C8orf34: variants seen among roughly 807,000 people sequenced by gnomAD.
C8orf34 encodes the protein uncharacterized protein C8orf34.
C8orf34 carries 65 observed loss-of-function variants against 68.3 expected under a neutral mutation model. The ratio of observed to expected loss-of-function variants is 0.95; its 90% CI spans 0.78 to 1.17. The LOEUF is 1.17. Among genes scored for constraint, C8orf34 ranks in the 50% most tolerant of loss-of-function variants. The pLI is 0.00. For missense variants in C8orf34, 664 were observed against 655.4 expected, an observed-to-expected ratio of 1.01 and a Z score of -0.14; for synonymous variants, 244 against 241.2, an observed-to-expected ratio of 1.01 and a Z score of -0.11.
At chr8:68,376,215 A>T (rs1563388590) in intron 1 of C8orf34, among the ~76,000 whole-genome samples, 1 of 151,602 alleles carries the variant, frequency 6.6e-6, no homozygotes, top group Non-Finnish European at 1.5e-5. Context: ...ATAAAATAAA[A>T]GTTGATAAAT....
chr8:68,503,387 C>T (rs1403842474), intron 5 of C8orf34, among the ~76,000 whole-genome samples: 9 of 151,946 alleles, frequency 5.9e-5, no homozygotes, highest in Non-Finnish European at 1.3e-4. Context: ...AGCGATGTGC[C>T]AGGTGGGGTG....
intron 10 of C8orf34, among the ~76,000 whole-genome samples, chr8:68,754,988 C>A (rs1392139251): frequency 6.6e-6 from 1 of 152,034 alleles, no homozygotes; most frequent in Non-Finnish European, 1.5e-5. Context: ...AATATTTAGC[C>A]TTGTAGGAAA....
At chr8:68,439,000 T>A (rs1254109413) in intron 1 of C8orf34, 1 of 152,214 alleles carries the variant, frequency 6.6e-6, no homozygotes, top group Non-Finnish European at 1.5e-5. Context: ...GTTTTTGGTT[T>A]CTGTAAGTCT....
rs149023025 is a variant in C8orf34, at chr8:68,647,287, A to C, written c.1241+6776A>C. 3.0e-4 allele frequency among the ~76,000 whole-genome samples: 46 copies of C among 152,304 alleles called. 1 individual carries two copies. In the East Asian group the frequency reaches 8.9e-3, roughly 29 times the overall value. Reference sequence around the variant, plus strand: ...AGAATGGCCGTCATCAAAAAGATGAAAGAGGAAAGATAACAAGTACCCGTG... The same window carrying C: ...AGAATGGCCGTCATCAAAAAGATGACAGAGGAAAGATAACAAGTACCCGTG... On this transcript the variant is annotated intron_variant, in intron 8 of 13. Transcript: ENST00000518698.
Position 68,493,210 on chromosome 8 carries a change from C to T in C8orf34, c.765+5159C>T, listed in dbSNP as rs532844884. 3.3e-5 allele frequency among the ~76,000 whole-genome samples: 5 copies of T among 152,256 alleles called. No homozygotes were observed. The South Asian group carries it at 1.0e-3, about 32-fold the overall frequency. On this transcript the variant is annotated intron_variant, in intron 5 of 13. Coordinates refer to ENST00000518698, the MANE Select transcript of C8orf34 (RefSeq NM_052958.4). ...TTACACTTCCGTGCATCAAAGGACA[C>T]AACACTCACAAATTACACATCTGAT...
intron 1 of C8orf34, among the ~76,000 whole-genome samples, chr8:68,424,246 T>C (rs945166326): frequency 1.6e-4 from 24 of 152,078 alleles, no homozygotes; most frequent in African/African-American, 5.3e-4. Flanking sequence ...AGAATAGCAT[T>C]GCAAGGGCTT....
intron 7 of C8orf34, among the ~76,000 whole-genome samples, chr8:68,564,226 A>G (rs1816518493): frequency 6.6e-6 from 1 of 152,150 alleles, no homozygotes; most frequent in Non-Finnish European, 1.5e-5. Context: ...AATCTTGCAA[A>G]ACGGCATTTG....
chr8:68,502,082 G>A (rs558344467), intron 5 of C8orf34, among the ~76,000 whole-genome samples: 6 of 151,942 alleles, frequency 3.9e-5, no homozygotes, highest in Admixed American at 3.3e-4. Flanking sequence ...TTGTTTATTC[G>A]TTTTTTGACA....
rs556812361 is a variant in C8orf34 at position 68,526,581 on chromosome 8, T to TA, written c.938+4611dup. On this transcript the variant is annotated intron_variant, in intron 6 of 13. Coordinates refer to ENST00000518698, the MANE Select transcript of C8orf34 (RefSeq NM_052958.4). ...TTTATATATTCTTAAAAATAGCTCT[T>TA]ACGCATAAAAATCTATATGCAACAA... 1.2e-4 allele frequency among the ~76,000 whole-genome samples: 19 copies of TA among 152,044 alleles called. No individual in the cohort carries two copies. The South Asian group carries it at 3.5e-3, about 28-fold the overall frequency.
At chr8:68,375,138 G>A (rs1383905045) in intron 1 of C8orf34, among the ~76,000 whole-genome samples, 1 of 152,066 alleles carries the variant, frequency 6.6e-6, no homozygotes, top group African/African-American at 2.4e-5. Context: ...TCAATTTTAT[G>A]CCCTATATAA....
chr8:68,349,727 T>G (rs1806431653), intron 1 of C8orf34, among the ~76,000 whole-genome samples: 1 of 151,912 alleles, frequency 6.6e-6, no homozygotes, highest in Non-Finnish European at 1.5e-5. Flanking sequence ...CCCAGAAATT[T>G]ATCTATCTCT....
intron 11 of C8orf34, among the ~76,000 whole-genome samples, chr8:68,782,448 G>A (rs567428646): frequency 5.7e-5 from 5 of 88,052 alleles, no homozygotes; most frequent in Non-Finnish European, 1.2e-4. Flanking sequence ...TTTTTTTTTT[G>A]CTGACTTTCC....
At chr8:68,794,482 A>AATATATATAT (rs1242445585) in intron 12 of C8orf34, among the ~76,000 whole-genome samples, 3 of 89,392 alleles carry the variant, frequency 3.4e-5, no homozygotes, top group Non-Finnish European at 5.8e-5. Flanking sequence ...TATAAATATA[A>AATATATATAT]ATATATATAT....
chr8:68,808,728 T>G (rs189849743), intron 12 of C8orf34, among the ~76,000 whole-genome samples: 156 of 152,252 alleles, frequency 1.0e-3, no homozygotes, highest in African/African-American at 2.7e-3. Context: ...TATAAGGGAC[T>G]GTGCCATTTT....
intron 10 of C8orf34, among the ~76,000 whole-genome samples, chr8:68,753,465 T>C (rs1822762951): frequency 6.6e-6 from 1 of 152,228 alleles, no homozygotes; most frequent in South Asian, 2.1e-4. Flanking sequence ...ATGTAGACTG[T>C]ATACATAATG....
chr8:68,663,963 AC>A, intron 8 of C8orf34, among the ~76,000 whole-genome samples: 1 of 152,376 alleles, frequency 6.6e-6, no homozygotes, highest in East Asian at 1.9e-4. Context: ...TCCTAAAAAA[AC>A]ATTGTAATGT....
At chr8:68,455,316 C>T (rs117156526) in intron 3 of C8orf34, among the ~76,000 whole-genome samples, 1,966 of 152,170 alleles carry the variant, frequency 0.013, 13 homozygotes, top group Non-Finnish European at 0.021. Context: ...CTATTTGCTC[C>T]GTTATCGAAA....
At chr8:68,745,778 T>C (rs1243118062) in intron 10 of C8orf34, among the ~76,000 whole-genome samples, 1 of 152,056 alleles carries the variant, frequency 6.6e-6, no homozygotes, top group Non-Finnish European at 1.5e-5. Context: ...TCCCACACAT[T>C]AATAATGGGA....
chr8:68,425,500 T>A (rs1810170474), intron 1 of C8orf34, among the ~76,000 whole-genome samples: 1 of 152,178 alleles, frequency 6.6e-6, no homozygotes, highest in East Asian at 1.9e-4. Context: ...TAATATAACT[T>A]ACAATTGTTT....
Sources: gnomAD v4.1 joint callset for allele counts (sites outside exome capture counted in the v4.1 genomes callset) on GRCh38, gnomAD v4.1.1 for gene constraint, MANE v1.5 for transcripts, NCBI Gene and HGNC (gene_info 2026-07-23, HGNC 2026-07-21) for gene names.